Variants in DOCK1 observed in about 807,000 individuals in gnomAD.
The protein encoded by DOCK1 is dedicator of cytokinesis protein 1.
In DOCK1, 138 loss-of-function variants were observed where a neutral mutation model predicts 262.7. The observed-to-expected ratio is 0.53, with a 90% confidence interval of 0.46 to 0.61. DOCK1 has a LOEUF of 0.61. Among genes scored for constraint, DOCK1 ranks in the 20% least tolerant of loss-of-function variants. The probability of loss-of-function intolerance (pLI) is 0.00; values close to 1 mark genes in which losing one functional copy is unlikely to be tolerated. For missense variants in DOCK1, 1,908 were observed against 2,370.7 expected, an observed-to-expected ratio of 0.80 and a Z score of 4.05; for synonymous variants, 866 against 867.4, an observed-to-expected ratio of 1.00 and a Z score of 0.03.
At chr10:127,163,963 C>G (rs1307158888) in intron 27 of DOCK1, among the ~76,000 whole-genome samples, 1 of 151,816 alleles carries the variant, frequency 6.6e-6, no homozygotes, top group African/African-American at 2.4e-5. Flanking sequence ...TGGGGAGGCT[C>G]TGGCTGTTAG....
At chr10:127,044,232 G>T (rs536252228) in intron 21 of DOCK1, among the ~76,000 whole-genome samples, 1 of 152,070 alleles carries the variant, frequency 6.6e-6, no homozygotes, top group Non-Finnish European at 1.5e-5. Flanking sequence ...CATGAACTCA[G>T]GTCAGAGGAC....
chr10:127,079,201 G>T (rs1352985309), intron 23 of DOCK1, among the ~76,000 whole-genome samples: 2 of 152,190 alleles, frequency 1.3e-5, no homozygotes, highest in Admixed American at 1.3e-4. Flanking sequence ...TTTACCGGTG[G>T]TGTTGGGTAT....
intron 33 of DOCK1, among the ~76,000 whole-genome samples, chr10:127,365,089 C>G: frequency 6.6e-6 from 1 of 152,084 alleles, no homozygotes; most frequent in Non-Finnish European, 1.5e-5. Flanking sequence ...TATCAAGGAG[C>G]TTTCCCTTAA....
At chr10:127,442,933 A>G (rs2070278747) in intron 49 of DOCK1, among the ~76,000 whole-genome samples, 1 of 152,250 alleles carries the variant, frequency 6.6e-6, no homozygotes, top group South Asian at 2.1e-4. Flanking sequence ...GTGTGAGGAC[A>G]GCAGTGCCAG....
chr10:127,345,740 C>T (rs926065043), intron 31 of DOCK1, among the ~76,000 whole-genome samples: 7 of 152,316 alleles, frequency 4.6e-5, no homozygotes, highest in Admixed American at 2.6e-4. Context: ...TGGCTTCCAG[C>T]ATCAAGAGAC....
intron 29 of DOCK1, among the ~76,000 whole-genome samples, chr10:127,315,140 T>C (rs1049495487): frequency 6.6e-6 from 1 of 152,162 alleles, no homozygotes; most frequent in African/African-American, 2.4e-5. Context: ...GCACTTGGCA[T>C]GGCGGAGAGC....
chr10:126,999,269 G>T, intron 8 of DOCK1, 85 bp from the exon 9 acceptor site: 1 of 1,009,662 alleles, frequency 9.9e-7, no homozygotes, highest in Admixed American at 2.0e-5. Context: ...CACGTACATG[G>T]TATTAATTAT....
chr10:127,361,106 CTTTTTTTTTTTTTTTTTT>C (rs1175942298), intron 32 of DOCK1, among the ~76,000 whole-genome samples: 1 of 87,432 alleles, frequency 1.1e-5, no homozygotes, highest in Non-Finnish European at 2.1e-5. Flanking sequence ...TAAAGTAGTT[CTTTTTTTTTTTTTTTTTT>C]TTTTTTTGAG....
intron 12 of DOCK1, among the ~76,000 whole-genome samples, chr10:127,017,788 C>T (rs1049221783): frequency 8.4e-5 from 12 of 142,248 alleles, no homozygotes; most frequent in African/African-American, 3.2e-4. Context: ...CAGCCCCTTC[C>T]CATGGGGGGA....
At chr10:127,247,283 G>A (rs1020455777) in intron 27 of DOCK1, among the ~76,000 whole-genome samples, 4 of 151,698 alleles carry the variant, frequency 2.6e-5, no homozygotes, top group African/African-American at 9.7e-5. Flanking sequence ...ACCCAGCTCC[G>A]TCTGGTCTGA....
chr10:127,374,187 C>T lies in DOCK1; in HGVS notation c.3648C>T (p.Asn1216=), dbSNP rs201014464. The T allele has an allele frequency of 1.3e-4, 213 of 1,613,218 alleles. No homozygotes were observed. Among genetic ancestry groups the T allele is most frequent in the Admixed American group, 1.7e-4 (10 of 59,856 alleles). ...RTIMHDENKE[N]RMSCTVNVLN... ...TCATGCACGACGAGAACAAAGAAAA[C>T]CGCATGAGCTGCACCGTCAATGTGC... Residue 1216 remains asparagine (N), a synonymous_variant, in exon 35 of 52, where the codon AAC becomes AAT. Transcript: ENST00000623213.
chr10:126,991,274 C>T (rs1025641283), intron 6 of DOCK1, among the ~76,000 whole-genome samples: 19 of 152,172 alleles, frequency 1.2e-4, no homozygotes, highest in African/African-American at 4.1e-4. Context: ...AAACAAGCTG[C>T]TCTGATCCTA....
chr10:127,029,508 G>C (rs1005239800), intron 16 of DOCK1, among the ~76,000 whole-genome samples: 4 of 152,246 alleles, frequency 2.6e-5, no homozygotes, highest in Non-Finnish European at 5.9e-5. Flanking sequence ...CACGGAGCCA[G>C]GCAGACTTGC....
chr10:127,274,483 A>G (rs2060674707), intron 29 of DOCK1, among the ~76,000 whole-genome samples: 1 of 152,158 alleles, frequency 6.6e-6, no homozygotes, highest in South Asian at 2.1e-4. Flanking sequence ...CTGGAGGGCC[A>G]GCGAGAGCCC....
At chr10:126,925,479 G>C (rs959749444) in intron 1 of DOCK1, among the ~76,000 whole-genome samples, 11 of 152,152 alleles carry the variant, frequency 7.2e-5, no homozygotes, top group Admixed American at 7.2e-4. Flanking sequence ...TGCCTCTCGG[G>C]TTCAAGCAAT....
chr10:127,288,706 TATATA>T (rs1351517907), intron 29 of DOCK1, among the ~76,000 whole-genome samples: 1 of 150,938 alleles, frequency 6.6e-6, no homozygotes, highest in Non-Finnish European at 1.5e-5. Flanking sequence ...ATATATAAAA[TATATA>T]ATAATTTGTA....
intron 1 of DOCK1, among the ~76,000 whole-genome samples, chr10:126,923,584 A>G (rs2033412090): frequency 6.6e-6 from 1 of 152,224 alleles, no homozygotes; most frequent in Non-Finnish European, 1.5e-5. Flanking sequence ...AGATGGCACC[A>G]CTGCACTCCA....
intron 19 of DOCK1, among the ~76,000 whole-genome samples, chr10:127,039,503 C>G (rs543274703): frequency 2.0e-5 from 3 of 152,314 alleles, no homozygotes; most frequent in Admixed American, 2.0e-4. Context: ...TAGACATGGC[C>G]TTTACACCTT....
chr10:127,410,742 A>T, intron 42 of DOCK1, 98 bp from the exon 43 acceptor site: 1 of 1,041,912 alleles, frequency 9.6e-7, no homozygotes, highest in Non-Finnish European at 1.4e-6. Context: ...GACATTTTAC[A>T]GGAGGCAGTG....
Sources: gnomAD v4.1 joint callset for allele counts (sites outside exome capture counted in the v4.1 genomes callset) on GRCh38, gnomAD v4.1.1 for gene constraint, MANE v1.5 for transcripts, NCBI Gene and HGNC (gene_info 2026-07-23, HGNC 2026-07-21) for gene names.